The following ARMC3 variants were observed in gnomAD, a reference collection of about 807,000 sequenced individuals.
ARMC3 encodes the protein armadillo repeat-containing protein 3.
Under a neutral mutation model 90.3 loss-of-function variants are expected in ARMC3, and 74 were observed. The ratio of observed to expected loss-of-function variants is 0.82; its 90% CI spans 0.68 to 0.99. The LOEUF is 0.99. Ranked by LOEUF, ARMC3 falls within the 50% of genes least tolerant of loss-of-function variation. ARMC3 has a pLI of 0.00. For synonymous variants in ARMC3, 334 were observed against 361.8 expected, an observed-to-expected ratio of 0.92 and a Z score of 0.87; for missense variants, 958 against 1,042.8, an observed-to-expected ratio of 0.92 and a Z score of 1.12.
rs758610067 is a variant in ARMC3 at position 23,037,448 on chromosome 10, G to C, written c.2588G>C (p.Ser863Thr). Reference sequence around the variant, plus strand: ...CCAGGTGGACTGATGAAGTTGAGAAGTCGAGAGGCTGATCTTTACAGATTC... The same window carrying C: ...CCAGGTGGACTGATGAAGTTGAGAACTCGAGAGGCTGATCTTTACAGATTC... ...FHPGGLMKLR[S>T]READLYRFI Residue 863 changes from serine to threonine, a missense_variant, in exon 19 of 19, where the codon AGT becomes ACT. Transcript: ENST00000298032. 2 of 1,613,968 alleles carry C rather than the reference G, an allele frequency of 1.2e-6. No individual in the cohort carries two copies. The highest frequency in any genetic ancestry group is 2.2e-5 in the South Asian group (2 of 91,052).
chr10:22,942,924 G>A (rs1588819808), intron 2 of ARMC3, among the ~76,000 whole-genome samples: 1 of 152,268 alleles, frequency 6.6e-6, no homozygotes, highest in Non-Finnish European at 1.5e-5. Flanking sequence ...AACTGCAACA[G>A]GTATTGCACT....
At chr10:22,957,945 C>A (rs1173312765) in intron 4 of ARMC3, among the ~76,000 whole-genome samples, 6 of 151,888 alleles carry the variant, frequency 4.0e-5, no homozygotes, top group Non-Finnish European at 7.4e-5. Context: ...GCCTATAATC[C>A]CAGCACTTTG....
intron 16 of ARMC3, among the ~76,000 whole-genome samples, chr10:23,027,759 T>C (rs1351639886): frequency 6.6e-6 from 1 of 152,172 alleles, no homozygotes; most frequent in Non-Finnish European, 1.5e-5. Context: ...CCCTTTCTCT[T>C]CTCTGTCTGG....
At position 22,981,708 on chromosome 10, in the gene ARMC3, C is replaced by G. The variant is rs753020717; in HGVS notation, c.1175+8C>G. The G allele has an allele frequency of 1.2e-6, 2 of 1,604,226 alleles. No individual in the cohort carries two copies. The highest frequency in any genetic ancestry group is 1.7e-5 in the Admixed American group (1 of 59,758). On this transcript the variant is annotated splice_region_variant and intron_variant, in intron 10 of 18. Transcript: ENST00000298032. ...CAACCCTGCTAATGCAAAGTAAGTT[C>G]AGAGATCCTCACCCAGCACTGACTT... is the stretch of plus-strand genomic sequence containing the variant.
At position 22,981,769 on chromosome 10, in the gene ARMC3, A is replaced by G. The variant is rs562098271; in HGVS notation, c.1175+69A>G. ...TCACAGTCCAAGATGTTCTCCTGTTAGTATATTGACTTTCACGATAGTCTA... is the reference window on the plus strand; with the variant it reads ...TCACAGTCCAAGATGTTCTCCTGTTGGTATATTGACTTTCACGATAGTCTA... On this transcript the variant is annotated intron_variant, in intron 10 of 18. Transcript: ENST00000298032. 2.0e-3 allele frequency: 2,643 copies of G among 1,311,370 alleles called. 70 individuals carry two copies. The South Asian group carries it at 0.031, about 16-fold the overall frequency. The allele number at this position is 1,311,370 out of a possible 1,614,324, so 81.2% of individuals were successfully genotyped here.
At chr10:22,989,424 A>C (rs73600590) in intron 10 of ARMC3, among the ~76,000 whole-genome samples, 3,798 of 152,216 alleles carry the variant, frequency 0.025, 150 homozygotes, top group African/African-American at 0.086. Flanking sequence ...TAATCTAAGA[A>C]ATCTCATTGC....
chr10:22,974,616 C>G (rs1015910977), intron 8 of ARMC3, among the ~76,000 whole-genome samples: 1 of 149,788 alleles, frequency 6.7e-6, no homozygotes, highest in Admixed American at 6.7e-5. Context: ...TATAGATTCC[C>G]CTCTCTAAAA....
intron 16 of ARMC3, among the ~76,000 whole-genome samples, chr10:23,018,344 T>C (rs1838366432): frequency 6.6e-6 from 1 of 152,104 alleles, no homozygotes; most frequent in South Asian, 2.1e-4. Context: ...TCCTGGAAAC[T>C]TAGGTTCTCA....
At chr10:22,981,252 T>TTCC in intron 8 of ARMC3, 88 bp from the exon 9 acceptor site, 1 of 1,241,916 alleles carries the variant, frequency 8.1e-7, no homozygotes, top group Admixed American at 2.9e-5. Context: ...ATTGTTTGAA[T>TTCC]TCCTATTAGA....
chr10:22,949,515 G>T (rs1241427160), intron 3 of ARMC3, among the ~76,000 whole-genome samples: 1 of 152,090 alleles, frequency 6.6e-6, no homozygotes, highest in Non-Finnish European at 1.5e-5. Context: ...CATTGCAGAA[G>T]AAAAGATTAA....
rs7918553 is a variant in ARMC3, at chr10:22,931,973, C to G, written c.-1-23C>G. On this transcript the variant is annotated intron_variant, in intron 1 of 18. Transcript: ENST00000298032. Reference sequence around the variant, plus strand: ...AATGTATGTGCAAATGTCACTTTAACCATATATTGCATCTTTTTCCAGGAT... The same window carrying G: ...AATGTATGTGCAAATGTCACTTTAAGCATATATTGCATCTTTTTCCAGGAT... 0.012 allele frequency: 19,037 copies of G among 1,589,338 alleles called. 1,701 individuals carry two copies. In the African/African-American group the frequency reaches 0.21, roughly 17 times the overall value.
At chr10:22,957,573 A>G (rs1834998993) in intron 4 of ARMC3, among the ~76,000 whole-genome samples, 1 of 152,204 alleles carries the variant, frequency 6.6e-6, no homozygotes, top group African/African-American at 2.4e-5. Context: ...AACACTTAAC[A>G]TACACTGACA....
chr10:22,958,722 T>C (rs565351155), intron 4 of ARMC3, among the ~76,000 whole-genome samples: 1 of 152,128 alleles, frequency 6.6e-6, no homozygotes, highest in Non-Finnish European at 1.5e-5. Context: ...ATACTACCAT[T>C]ATCATTATTA....
At chr10:22,949,525 A>G (rs1834658968) in intron 3 of ARMC3, among the ~76,000 whole-genome samples, 3 of 152,330 alleles carry the variant, frequency 2.0e-5, no homozygotes, top group Admixed American at 2.0e-4. Context: ...GAAAAGATTA[A>G]TGAACTTAAA....
intron 6 of ARMC3, chr10:22,960,800 G>T (rs1250465336): frequency 6.6e-6 from 1 of 152,136 alleles, no homozygotes; most frequent in African/African-American, 2.4e-5. Flanking sequence ...GTGTCAGTAG[G>T]ACCGCGTCCC....
At chr10:23,002,496 GT>G (rs1334740440) in intron 12 of ARMC3, among the ~76,000 whole-genome samples, 2 of 152,048 alleles carry the variant, frequency 1.3e-5, no homozygotes, top group Non-Finnish European at 2.9e-5. Context: ...AAGCAGATGA[GT>G]TTGTTGCCTT....
intron 17 of ARMC3, among the ~76,000 whole-genome samples, chr10:23,032,042 A>C (rs1838942345): frequency 6.6e-6 from 1 of 152,198 alleles, no homozygotes; most frequent in Admixed American, 6.5e-5. Flanking sequence ...TATTGAAGCC[A>C]GGAGTTTGAG....
chr10:22,963,922 CAAAA>C (rs35508443), intron 7 of ARMC3, among the ~76,000 whole-genome samples: 81 of 58,462 alleles, frequency 1.4e-3, no homozygotes, highest in African/African-American at 2.6e-3. Context: ...CACACACACA[CAAAA>C]AAAAAAAAAA....
At chr10:22,992,916 G>A (rs1196970855) in intron 10 of ARMC3, among the ~76,000 whole-genome samples, 1 of 152,186 alleles carries the variant, frequency 6.6e-6, no homozygotes, top group African/African-American at 2.4e-5. Context: ...GCTCTGAGTT[G>A]CTGCTGCGTA....
Sources: gnomAD v4.1 joint callset for allele counts (sites outside exome capture counted in the v4.1 genomes callset) on GRCh38, gnomAD v4.1.1 for gene constraint, MANE v1.5 for transcripts, NCBI Gene and HGNC (gene_info 2026-07-23, HGNC 2026-07-21) for gene names.